NLRP5: variants seen among roughly 807,000 people sequenced by gnomAD.
NLRP5 encodes NLR family pyrin domain containing 5, also known as NACHT, LRR and PYD domains-containing protein 5.
NLRP5 carries 93 observed loss-of-function variants against 113.1 expected under a neutral mutation model. The ratio of observed to expected loss-of-function variants is 0.82; its 90% CI spans 0.70 to 0.98. NLRP5 has a LOEUF of 0.98. Ranked by LOEUF, NLRP5 falls within the 50% of genes least tolerant of loss-of-function variation. The pLI, the probability that NLRP5 is intolerant of heterozygous loss-of-function variation, is 0.00. For missense variants in NLRP5, 1,808 were observed against 1,514.3 expected (o/e 1.19, Z -3.22); for synonymous variants, 751 against 600.7 (o/e 1.25, Z -3.66).
intron 7 of NLRP5, among the ~76,000 whole-genome samples, chr19:56,030,778 G>A (rs982077486): frequency 1.3e-4 from 17 of 132,334 alleles, no homozygotes; most frequent in African/African-American, 2.3e-4. Flanking sequence ...GCAGTGGTGC[G>A]ATCTCAGCTC....
intron 6 of NLRP5, among the ~76,000 whole-genome samples, chr19:56,023,230 AC>A (rs1474201554): frequency 1.3e-5 from 2 of 152,182 alleles, no homozygotes; most frequent in Non-Finnish European, 2.9e-5. Context: ...TTGAATGCAG[AC>A]TGGCTTCCTG....
At chr19:56,004,899 C>T (rs888150583) in intron 2 of NLRP5, among the ~76,000 whole-genome samples, 1 of 151,660 alleles carries the variant, frequency 6.6e-6, no homozygotes, top group Non-Finnish European at 1.5e-5. Flanking sequence ...TCGAGACCAG[C>T]CTGGCCAACA....
Position 56,033,783 on chromosome 19 carries a change from C to T in NLRP5, c.2615+74C>T, listed in dbSNP as rs1983212741. The T allele has an allele frequency of 8.2e-6, 11 of 1,335,808 alleles. No individual in the cohort carries two copies. The South Asian group carries it at 8.4e-5, about 10-fold the overall frequency. The allele number at this position is 1,335,808 out of a possible 1,614,324, so 82.7% of individuals were successfully genotyped here. A position where few individuals can be genotyped will look rare whatever the true frequency, so the allele number is the denominator to read the frequency against. ...TGTTTGAAATGATTACATAAAGTGGCAAAAATTAAAGAGCTGCAAAGATGG... is the reference window on the plus strand; with the variant it reads ...TGTTTGAAATGATTACATAAAGTGGTAAAAATTAAAGAGCTGCAAAGATGG... On this transcript the variant is annotated intron_variant, in intron 9 of 14. Transcript: ENST00000390649.
At chr19:56,039,443 G>A (rs1983436854) in intron 10 of NLRP5, among the ~76,000 whole-genome samples, 3 of 152,188 alleles carry the variant, frequency 2.0e-5, no homozygotes, top group Admixed American at 2.0e-4. Flanking sequence ...GGTATCAGCA[G>A]TGAGACATCC....
chr19:55,991,786 G>T, the NLRP5 span, among the ~76,000 whole-genome samples: 5 of 152,100 alleles, frequency 3.3e-5, no homozygotes, highest in Admixed American at 1.3e-4. Flanking sequence ...TATAAATTAG[G>T]TAAATATAAA....
Position 56,028,491 on chromosome 19 carries a change from G to A in NLRP5, c.2258G>A (p.Cys753Tyr), listed in dbSNP as rs1231718029. The A allele has an allele frequency of 6.2e-7, 1 of 1,613,472 alleles. No homozygotes were observed. The highest frequency in any genetic ancestry group is 1.3e-5 in the African/African-American group (1 of 75,056). The change falls in exon 7 of 15, where the codon TGT becomes TAT. Residue 753 changes from cysteine to tyrosine, a missense_variant. Transcript: ENST00000390649. Reference sequence around the variant, plus strand: ...CCAAGAGATGAGTCCGCTGAGGCATGTCCTGTGGTCCCTCTATGGTGAGTA... The same window carrying A: ...CCAAGAGATGAGTCCGCTGAGGCATATCCTGTGGTCCCTCTATGGTGAGTA...
intron 7 of NLRP5, 106 bp from the exon 8 acceptor site, chr19:56,032,505 C>G (rs956959186): frequency 1.0e-6 from 1 of 990,996 alleles, no homozygotes; most frequent in African/African-American, 1.6e-5. Flanking sequence ...CTAAAGCCAC[C>G]GTGGTCTCAC....
At chr19:56,030,714 C>CTTTTTTTTTTTTTTTCTTTTTTTTTT (rs1983068745) in intron 7 of NLRP5, among the ~76,000 whole-genome samples, 1 of 71,350 alleles carries the variant, frequency 1.4e-5, no homozygotes, top group Non-Finnish European at 2.3e-5. Flanking sequence ...CTTTCTTCTT[C>CTTTTTTTTTTTTTTTCTTTTTTTTTT]TTTTTTTTTT....
chr19:55,990,770 A>C, the NLRP5 span, among the ~76,000 whole-genome samples: 2 of 152,138 alleles, frequency 1.3e-5, no homozygotes, highest in African/African-American at 4.8e-5. Flanking sequence ...GCTGGCAGTG[A>C]GCCGAGATGG....
At chr19:56,029,088 A>G (rs909500093) in intron 7 of NLRP5, among the ~76,000 whole-genome samples, 1 of 151,774 alleles carries the variant, frequency 6.6e-6, no homozygotes, top group Non-Finnish European at 1.5e-5. Flanking sequence ...AGGTTTGTGG[A>G]CTGCTTATTT....
At chr19:56,025,378 G>A (rs954679723) in intron 6 of NLRP5, among the ~76,000 whole-genome samples, 7 of 136,694 alleles carry the variant, frequency 5.1e-5, no homozygotes, top group African/African-American at 1.1e-4. Context: ...CTCAAGGAAC[G>A]TGCTCCGTTC....
At chr19:56,048,742 C>G (rs564756148) in intron 11 of NLRP5, among the ~76,000 whole-genome samples, 4 of 152,112 alleles carry the variant, frequency 2.6e-5, no homozygotes, top group Admixed American at 2.6e-4. Context: ...CTTTGTGCTT[C>G]TTGTATTTGG....
In NLRP5 at chr19:56,005,992, C is replaced by T. The variant is rs76815828; in HGVS notation, c.442+1897C>T. 8.2e-3 allele frequency among the ~76,000 whole-genome samples: 1,254 copies of T among 152,210 alleles called. 12 individuals are homozygous for T. Among genetic ancestry groups the T allele is most frequent in the South Asian group, 0.031 (148 of 4,824 alleles). On this transcript the variant is annotated intron_variant, in intron 2 of 14. Transcript: ENST00000390649. ...AGATTGATTGTTTAACATTCATCTA[C>T]CGTGGCATATGTTTAAATTCTCATA... is the stretch of plus-strand genomic sequence containing the variant.
Position 56,028,135 on chromosome 19 carries a change from G to A in NLRP5, c.1902G>A (p.Lys634=). 1 of 1,614,010 alleles carries A rather than the reference G, an allele frequency of 6.2e-7. No individual in the cohort carries two copies. The highest frequency in any genetic ancestry group is 2.2e-5 in the East Asian group (1 of 44,880). Residue 634 remains lysine (K), a synonymous_variant, in exon 7 of 15, where the codon AAG becomes AAA. Transcript: ENST00000390649. Reference sequence around the variant, plus strand: ...TCCATATCCACTCGCTTTGGATGAAGCGTTTCTTGTTTGGCCTCGTGAGCG... The same window carrying A: ...TCCATATCCACTCGCTTTGGATGAAACGTTTCTTGTTTGGCCTCGTGAGCG...
intron 6 of NLRP5, among the ~76,000 whole-genome samples, chr19:56,026,575 C>T (rs1243380107): frequency 7.5e-5 from 11 of 146,866 alleles, no homozygotes; most frequent in Non-Finnish European, 1.0e-4. Flanking sequence ...TTTTGTTTCC[C>T]GATTTATTTT....
intron 3 of NLRP5, among the ~76,000 whole-genome samples, chr19:56,009,072 C>T (rs542343125): frequency 6.6e-6 from 1 of 152,168 alleles, no homozygotes; most frequent in East Asian, 1.9e-4. Flanking sequence ...GGTCTAGTGG[C>T]TCATGCCTGT....
chr19:56,024,394 A>G (rs1405333541), intron 6 of NLRP5, among the ~76,000 whole-genome samples: 3 of 122,424 alleles, frequency 2.5e-5, no homozygotes, highest in African/African-American at 6.3e-5. Context: ...TAACATATAT[A>G]CATATATGTA....
intron 12 of NLRP5, among the ~76,000 whole-genome samples, chr19:56,051,195 TG>T (rs1983919815): frequency 1.5e-5 from 2 of 135,948 alleles, no homozygotes; most frequent in Non-Finnish European, 3.1e-5. Flanking sequence ...TTTTTCTTTT[TG>T]TTTGTTTGTT....
chr19:55,988,442 G>GTATATATATATATATA, the NLRP5 span: 1,262 of 103,444 alleles, frequency 0.012, 15 homozygotes, highest in African/African-American at 0.015. Flanking sequence ...ATATGTGTGT[G>GTATATATATATATATA]TGTATATATA....
Sources: allele counts gnomAD v4.1 joint callset (sites outside exome capture counted in the v4.1 genomes callset), GRCh38; gene constraint gnomAD v4.1.1; transcripts MANE v1.5; gene names NCBI Gene and HGNC (gene_info 2026-07-23, HGNC 2026-07-21).